The following SIL1 variants were observed in gnomAD, a reference collection of about 807,000 sequenced individuals.
SIL1 encodes the protein nucleotide exchange factor SIL1.
A neutral mutation model predicts 49.1 loss-of-function variants in SIL1; 40 were observed. The observed-to-expected ratio is 0.81, with a 90% CI of 0.63 to 1.06. SIL1 has a LOEUF of 1.06. SIL1 is among the 50% of genes least tolerant of loss of function. The pLI is 0.00. For synonymous variants in SIL1, 253 were observed against 250.8 expected (o/e 1.01, Z -0.08); for missense variants, 500 against 572.6 (o/e 0.87, Z 1.29).
chr5:139,112,392 G>A (rs905624646), intron 3 of SIL1, among the ~76,000 whole-genome samples: 3 of 151,908 alleles, frequency 2.0e-5, no homozygotes, highest in Non-Finnish European at 4.4e-5. Flanking sequence ...TCCCGTCTAG[G>A]AAGTGAGGAG....
chr5:139,081,194 G>A (rs1327609373), intron 3 of SIL1, among the ~76,000 whole-genome samples: 1 of 152,214 alleles, frequency 6.6e-6, no homozygotes, highest in Non-Finnish European at 1.5e-5. Context: ...AGTCACTCAA[G>A]AATAATGAAG....
chr5:139,189,974 G>T (rs1427278462), intron 1 of SIL1, among the ~76,000 whole-genome samples: 3 of 152,190 alleles, frequency 2.0e-5, no homozygotes, highest in African/African-American at 7.2e-5. Context: ...GTTTTACATT[G>T]TGCCAGAGGA....
chr5:139,185,477 CTT>C (rs1277386895), intron 1 of SIL1, among the ~76,000 whole-genome samples: 1 of 152,174 alleles, frequency 6.6e-6, no homozygotes, highest in African/African-American at 2.4e-5. Context: ...GAACTTAACT[CTT>C]GTTTATACCA....
intron 3 of SIL1, among the ~76,000 whole-genome samples, chr5:139,060,323 A>C (rs1581068705): frequency 8.4e-6 from 1 of 118,788 alleles, no homozygotes; most frequent in Non-Finnish European, 1.8e-5. Context: ...TGAGGTGTTT[A>C]TTGTGGCATT....
chr5:138,995,651 G>A (rs890182745), intron 7 of SIL1, among the ~76,000 whole-genome samples: 11 of 152,130 alleles, frequency 7.2e-5, no homozygotes, highest in African/African-American at 2.7e-4. Context: ...AGCAAACAAT[G>A]GTGCTACTGC....
chr5:139,044,614 T>TTTTCTA (rs1427728118), intron 4 of SIL1, among the ~76,000 whole-genome samples: 2 of 152,204 alleles, frequency 1.3e-5, no homozygotes, highest in African/African-American at 4.8e-5. Flanking sequence ...TAAGTCTATG[T>TTTTCTA]TTTCTACTTT....
intron 9 of SIL1, among the ~76,000 whole-genome samples, chr5:138,949,523 C>T (rs762045992): frequency 1.6e-4 from 25 of 152,138 alleles, no homozygotes; most frequent in Non-Finnish European, 2.5e-4. Flanking sequence ...CATTCTTAAG[C>T]GCTGCAAGAG....
intron 3 of SIL1, among the ~76,000 whole-genome samples, chr5:139,072,669 G>C (rs779983959): frequency 6.6e-6 from 1 of 152,064 alleles, no homozygotes; most frequent in African/African-American, 2.4e-5. Flanking sequence ...TTTTAGATTT[G>C]ACCCCTAAAA....
At position 138,964,273 on chromosome 5, in the gene SIL1, G is replaced by C. The variant is rs1444861469; in HGVS notation, c.768-12389C>G. ...ACCTCAGTTAAGAATACCAGGGCTA[G>C]AGCAAAGAACGAACATAGTTCCTGT... On this transcript the variant is annotated intron_variant, in intron 7 of 9. Transcript: ENST00000394817. Among the ~76,000 whole-genome samples the C allele has an allele frequency of 2.6e-5, 4 of 152,330 alleles. No homozygotes were observed. The East Asian group carries it at 5.8e-4, about 22-fold the overall frequency.
chr5:139,120,885 T>TGCA (rs1367428103), intron 3 of SIL1, 150 bp downstream of exon 3: 1 of 960,018 alleles, frequency 1.0e-6, no homozygotes, highest in South Asian at 1.6e-5. Context: ...CCCTGAGCCC[T>TGCA]GCAGCAGCAG....
intron 5 of SIL1, 120 bp downstream of exon 5, chr5:139,042,500 A>T (rs1225282793): frequency 1.1e-6 from 1 of 888,234 alleles, no homozygotes; most frequent in Admixed American, 1.8e-5. Context: ...TCTTTAAATT[A>T]TTTTACAATA....
intron 3 of SIL1, among the ~76,000 whole-genome samples, chr5:139,095,863 G>T (rs76303075): frequency 0.087 from 13,216 of 151,904 alleles, 1,259 homozygotes; most frequent in African/African-American, 0.24. Flanking sequence ...AAGAAAGAAA[G>T]ATTTAACTTT....
intron 7 of SIL1, among the ~76,000 whole-genome samples, chr5:138,981,017 C>T (rs1241619410): frequency 6.6e-6 from 1 of 151,986 alleles, no homozygotes; most frequent in Non-Finnish European, 1.5e-5. Flanking sequence ...CTAGCCTGGC[C>T]AACATGGAGA....
At chr5:139,118,927 G>A (rs1750544082) in intron 3 of SIL1, among the ~76,000 whole-genome samples, 1 of 152,154 alleles carries the variant, frequency 6.6e-6, no homozygotes, top group Admixed American at 6.5e-5. Context: ...CACCAGTCCT[G>A]CTTTTGAGAT....
chr5:138,974,167 T>A (rs1767344779), intron 7 of SIL1, among the ~76,000 whole-genome samples: 1 of 152,122 alleles, frequency 6.6e-6, no homozygotes, highest in East Asian at 1.9e-4. Context: ...AAAGAGCTCC[T>A]CAGGAAAGCG....
intron 1 of SIL1, among the ~76,000 whole-genome samples, chr5:139,145,404 G>A (rs1370845792): frequency 6.6e-6 from 1 of 152,158 alleles, no homozygotes; most frequent in Non-Finnish European, 1.5e-5. Flanking sequence ...AGCTGCTATG[G>A]AAAAGTTTGG....
chr5:139,118,769 C>A (rs1750540661), intron 3 of SIL1, among the ~76,000 whole-genome samples: 1 of 152,180 alleles, frequency 6.6e-6, no homozygotes, highest in Non-Finnish European at 1.5e-5. Flanking sequence ...CACACACACC[C>A]TTGAGAGGTC....
At chr5:139,169,987 C>G (rs1751710478) in intron 1 of SIL1, among the ~76,000 whole-genome samples, 1 of 152,238 alleles carries the variant, frequency 6.6e-6, no homozygotes, top group South Asian at 2.1e-4. Flanking sequence ...CTGCCTCAGC[C>G]TGCCAAGTGC....
At chr5:138,972,832 C>G (rs891713839) in intron 7 of SIL1, among the ~76,000 whole-genome samples, 7 of 152,208 alleles carry the variant, frequency 4.6e-5, no homozygotes, top group African/African-American at 1.7e-4. Flanking sequence ...AAAGAGAGGA[C>G]TATGTGGGTA....
Sources: allele counts gnomAD v4.1 joint callset (sites outside exome capture counted in the v4.1 genomes callset), GRCh38; gene constraint gnomAD v4.1.1; transcripts MANE v1.5; gene names NCBI Gene and HGNC (gene_info 2026-07-23, HGNC 2026-07-21).